The following TG variants were observed in gnomAD, a reference collection of about 807,000 sequenced individuals.
TG encodes thyroglobulin.
A neutral mutation model predicts 324.7 loss-of-function variants in TG; 270 were observed. The ratio of observed to expected loss-of-function variants is 0.83; its 90% CI spans 0.75 to 0.92. The LOEUF is 0.92. Ranked by LOEUF, TG falls within the 40% of genes least tolerant of loss-of-function variation. The pLI is 0.00. For missense variants in TG, 3,591 were observed against 3,456.4 expected (o/e 1.04, Z -0.98); for synonymous variants, 1,401 against 1,327.0 (o/e 1.06, Z -1.21).
Position 133,116,723 on chromosome 8 carries a change from C to A in TG, c.7862+7C>A, listed in dbSNP as rs373486209. 1.1e-4 allele frequency: 179 copies of A among 1,611,686 alleles called. No individual in the cohort carries two copies. The highest frequency in any genetic ancestry group is 5.3e-4 in the Admixed American group (32 of 59,998). On this transcript the variant is annotated splice_region_variant and intron_variant, in intron 45 of 47. Coordinates refer to ENST00000220616, the MANE Select transcript of TG (RefSeq NM_003235.5). ...AAAACTACGGCCATGGCAGGTAAGA[C>A]GCTGCAGGGAAGCAGAGAAAGGAAG...
intron 41 of TG, among the ~76,000 whole-genome samples, chr8:133,031,591 C>A (rs1213555332): frequency 7.9e-5 from 12 of 152,182 alleles, no homozygotes; most frequent in Non-Finnish European, 1.2e-4. Flanking sequence ...AGATGGAGAA[C>A]AATTAACTGT....
At chr8:133,042,678 C>CTTTTTTTTTTTTTTTTTTTT (rs58739514) in intron 41 of TG, among the ~76,000 whole-genome samples, 1 of 56,768 alleles carries the variant, frequency 1.8e-5, no homozygotes, top group Non-Finnish European at 3.2e-5. Context: ...CATTCTGTGT[C>CTTTTTTTTTTTTTTTTTTTT]TTTTTTTTTT....
chr8:133,031,247 C>G (rs1209983557), intron 41 of TG, among the ~76,000 whole-genome samples: 2 of 152,158 alleles, frequency 1.3e-5, no homozygotes, highest in Non-Finnish European at 2.9e-5. Context: ...GCTTATTTCC[C>G]TTAGCATAAT....
intron 24 of TG, among the ~76,000 whole-genome samples, chr8:132,935,093 C>T (rs554185916): frequency 6.6e-6 from 1 of 152,006 alleles, no homozygotes; most frequent in Non-Finnish European, 1.5e-5. Context: ...TCTGCTGTTT[C>T]CTCTGCTTAA....
At chr8:132,880,103 G>A (rs948871215) in intron 5 of TG, among the ~76,000 whole-genome samples, 4 of 152,208 alleles carry the variant, frequency 2.6e-5, no homozygotes, top group African/African-American at 9.6e-5. Flanking sequence ...CACATGCCTT[G>A]CAGGGCAGGA....
intron 35 of TG, among the ~76,000 whole-genome samples, chr8:132,999,633 T>C (rs542521715): frequency 1.2e-4 from 18 of 152,210 alleles, no homozygotes; most frequent in Non-Finnish European, 5.9e-5. Flanking sequence ...TGTTTTTGTG[T>C]AGCCTAGGAG....
intron 2 of TG, among the ~76,000 whole-genome samples, chr8:132,868,573 G>T (rs1303759364): frequency 6.6e-6 from 1 of 152,196 alleles, no homozygotes; most frequent in African/African-American, 2.4e-5. Flanking sequence ...AATGATCTGT[G>T]CTTTGGGACC....
At chr8:133,068,285 T>C (rs1433221066) in intron 41 of TG, among the ~76,000 whole-genome samples, 1 of 152,198 alleles carries the variant, frequency 6.6e-6, no homozygotes, top group Non-Finnish European at 1.5e-5. Context: ...CTGACCCACA[T>C]GTCCAGGAGC....
Position 133,116,692 on chromosome 8 carries a change from C to G in TG, c.7838C>G (p.Ala2613Gly). Residue 2613 changes from alanine to glycine, a missense_variant, in exon 45 of 48, where the codon GCT becomes GGT. Coordinates refer to ENST00000220616, the MANE Select transcript of TG (RefSeq NM_003235.5). Reference sequence around the variant, plus strand: ...CGAGGAAACGTCTTCATGTACCATGCTCCTGAAAACTACGGCCATGGCAGG... The same window carrying G: ...CGAGGAAACGTCTTCATGTACCATGGTCCTGAAAACTACGGCCATGGCAGG... ...RARGNVFMYH[A>G]PENYGHGSLE... 1.2e-6 allele frequency: 2 copies of G among 1,614,234 alleles called. No homozygotes were observed. Among genetic ancestry groups the G allele is most frequent in the Non-Finnish European group, 8.5e-7 (1 of 1,180,028 alleles).
intron 41 of TG, among the ~76,000 whole-genome samples, chr8:133,067,701 GT>G (rs1564144958): frequency 6.6e-6 from 1 of 151,854 alleles, no homozygotes; most frequent in African/African-American, 2.4e-5. Context: ...ACTTGAACCC[GT>G]GAGGCAGAGG....
Position 132,929,906 on chromosome 8 carries a change from T to G in TG, c.4816+714T>G, listed in dbSNP as rs79474844. On this transcript the variant is annotated intron_variant, in intron 23 of 47. Coordinates refer to ENST00000220616, the MANE Select transcript of TG (RefSeq NM_003235.5). ...TGCATGCAGGCTTGTTATATGGGTA[T>G]GTGGTATACTGCCGAGGCTTGGGGT... Among the ~76,000 whole-genome samples the G allele has an allele frequency of 2.7e-3, 409 of 152,308 alleles. 3 individuals carry two copies. Among genetic ancestry groups the G allele is most frequent in the African/African-American group, 9.3e-3 (388 of 41,572 alleles).
chr8:132,952,719 T>G (rs557338123), intron 27 of TG, among the ~76,000 whole-genome samples: 3 of 152,230 alleles, frequency 2.0e-5, no homozygotes, highest in African/African-American at 7.2e-5. Context: ...CACTGTATTA[T>G]GCAAAGCACT....
At chr8:133,059,390 A>G (rs919537946) in intron 41 of TG, among the ~76,000 whole-genome samples, 8 of 152,148 alleles carry the variant, frequency 5.3e-5, no homozygotes, top group Non-Finnish European at 8.8e-5. Flanking sequence ...AGCATGGTGG[A>G]TTTGATGTTC....
chr8:132,966,718 T>C lies in TG; in HGVS notation c.5686+21T>C, dbSNP rs1206271219. On this transcript the variant is annotated intron_variant, in intron 30 of 47. Coordinates refer to ENST00000220616, the MANE Select transcript of TG (RefSeq NM_003235.5). ...TTCTCGTAAGTATCCTTAGAACTCATTCTTCTTCTTCCAGACACTGTAGTC... is the reference window on the plus strand; with the variant it reads ...TTCTCGTAAGTATCCTTAGAACTCACTCTTCTTCTTCCAGACACTGTAGTC... The C allele has an allele frequency of 9.3e-6, 15 of 1,613,452 alleles. No individual in the cohort carries two copies. The Admixed American group carries it at 2.3e-4, about 25-fold the overall frequency.
At chr8:133,001,429 T>C (rs1833487260) in intron 35 of TG, among the ~76,000 whole-genome samples, 1 of 152,184 alleles carries the variant, frequency 6.6e-6, no homozygotes, top group South Asian at 2.1e-4. Flanking sequence ...GTGTAAAGAA[T>C]TTCTCCTGGA....
intron 28 of TG, among the ~76,000 whole-genome samples, chr8:132,962,443 G>A (rs1587593256): frequency 6.6e-6 from 1 of 152,282 alleles, no homozygotes; most frequent in Non-Finnish European, 1.5e-5. Flanking sequence ...TAAAGTGTTA[G>A]CTGATGAAAA....
In TG at chr8:132,873,015, A is replaced by G. The variant is rs1271700841; in HGVS notation, c.479-47A>G. 9 of 1,606,340 alleles carry G rather than the reference A, an allele frequency of 5.6e-6. No homozygotes were observed. The East Asian group carries it at 8.9e-5, about 16-fold the overall frequency. ...GCATATGCTGCTCGACTGCAGAAAT[A>G]TGTGTCTACTCATATATAAGGATTT... On this transcript the variant is annotated intron_variant, in intron 4 of 47. Coordinates refer to ENST00000220616, the MANE Select transcript of TG (RefSeq NM_003235.5).
At chr8:133,027,073 A>C (rs1262924961) in intron 40 of TG, among the ~76,000 whole-genome samples, 1 of 152,174 alleles carries the variant, frequency 6.6e-6, no homozygotes, top group Admixed American at 6.5e-5. Flanking sequence ...CTGGGACTGC[A>C]GCCGGCTGGT....
intron 25 of TG, among the ~76,000 whole-genome samples, chr8:132,940,310 T>C (rs1824263227): frequency 6.6e-6 from 1 of 152,166 alleles, no homozygotes; most frequent in African/African-American, 2.4e-5. Flanking sequence ...AGACTTTTCC[T>C]CAAATGGAAA....
Sources: gnomAD v4.1 joint callset for allele counts (sites outside exome capture counted in the v4.1 genomes callset) on GRCh38, gnomAD v4.1.1 for gene constraint, MANE v1.5 for transcripts, NCBI Gene and HGNC (gene_info 2026-07-23, HGNC 2026-07-21) for gene names.